Variants in PRDM5 observed in about 807,000 individuals in gnomAD.
The protein encoded by PRDM5 is PR domain zinc finger protein 5.
Under a neutral mutation model 81.2 loss-of-function variants are expected in PRDM5, and 56 were observed. The ratio of observed to expected loss-of-function variants is 0.69; its 90% CI spans 0.56 to 0.86. The LOEUF (loss-of-function observed/expected upper bound fraction) is 0.86. Among genes scored for constraint, PRDM5 ranks in the 40% least tolerant of loss-of-function variants. The pLI is 0.00. For synonymous variants in PRDM5, 267 were observed against 256.4 expected, an observed-to-expected ratio of 1.04 and a Z score of -0.39; for missense variants, 697 against 770.1, an observed-to-expected ratio of 0.91 and a Z score of 1.12.
intron 2 of PRDM5, among the ~76,000 whole-genome samples, chr4:120,856,332 T>C (rs1276301427): frequency 6.6e-6 from 1 of 152,236 alleles, no homozygotes; most frequent in Non-Finnish European, 1.5e-5. Context: ...TATACTACAT[T>C]ACCTACATAT....
intron 15 of PRDM5, among the ~76,000 whole-genome samples, chr4:120,699,609 G>A (rs1259626350): frequency 6.6e-6 from 1 of 152,022 alleles, no homozygotes; most frequent in Non-Finnish European, 1.5e-5. Context: ...CCAAGCCAGG[G>A]CACCAAAGTC....
downstream of PRDM5, among the ~76,000 whole-genome samples, chr4:120,687,752 G>T (rs989799802): frequency 1.3e-5 from 2 of 152,118 alleles, no homozygotes; most frequent in African/African-American, 4.8e-5. Flanking sequence ...GCCCTTATGA[G>T]TGAATTAATG....
chr4:120,748,113 T>C lies in PRDM5; in HGVS notation c.1623+6440A>G, dbSNP rs142519377. Reference sequence around the variant, plus strand: ...AAACATAAGTTCTATAATTTCCAGATGATCCATAGTTCCTAAGACTAAAAT... The same window carrying C: ...AAACATAAGTTCTATAATTTCCAGACGATCCATAGTTCCTAAGACTAAAAT... On this transcript the variant is annotated intron_variant, in intron 14 of 15. Coordinates refer to ENST00000264808, the MANE Select transcript of PRDM5 (RefSeq NM_018699.4). 5.1e-4 allele frequency among the ~76,000 whole-genome samples: 77 copies of C among 152,356 alleles called. 1 individual carries two copies. In the East Asian group the frequency reaches 0.013, roughly 25 times the overall value.
chr4:120,883,957 C>T (rs1763127272), intron 2 of PRDM5, among the ~76,000 whole-genome samples: 1 of 152,072 alleles, frequency 6.6e-6, no homozygotes, highest in Non-Finnish European at 1.5e-5. Flanking sequence ...ATACTGAAAA[C>T]TAATGAATTA....
At chr4:120,737,970 A>G (rs1444124743) in intron 14 of PRDM5, among the ~76,000 whole-genome samples, 1 of 152,248 alleles carries the variant, frequency 6.6e-6, no homozygotes, top group Non-Finnish European at 1.5e-5. Context: ...CACAGCTGCT[A>G]AGGAAAAAGA....
intron 2 of PRDM5, among the ~76,000 whole-genome samples, chr4:120,882,985 G>A (rs933645191): frequency 6.6e-6 from 1 of 152,146 alleles, no homozygotes; most frequent in Non-Finnish European, 1.5e-5. Flanking sequence ...CTAAAATAAA[G>A]TTAAAAATTC....
At chr4:120,870,729 T>C (rs1761697983) in intron 2 of PRDM5, among the ~76,000 whole-genome samples, 1 of 152,138 alleles carries the variant, frequency 6.6e-6, no homozygotes, top group African/African-American at 2.4e-5. Context: ...TTGCAGTGGG[T>C]CAGACCTTGG....
At chr4:120,893,135 A>G (rs1764241776) in intron 2 of PRDM5, among the ~76,000 whole-genome samples, 1 of 152,222 alleles carries the variant, frequency 6.6e-6, no homozygotes, top group Admixed American at 6.5e-5. Flanking sequence ...GCCTCAGTCC[A>G]GAAGGAAGAT....
intron 13 of PRDM5, among the ~76,000 whole-genome samples, chr4:120,775,714 A>G (rs949781437): frequency 6.6e-6 from 1 of 152,150 alleles, no homozygotes; most frequent in African/African-American, 2.4e-5. Context: ...ATACAGCATG[A>G]TATCTGCTAA....
At chr4:120,762,485 T>G (rs1745770452) in intron 13 of PRDM5, 1 of 152,188 alleles carries the variant, frequency 6.6e-6, no homozygotes, top group Admixed American at 6.5e-5. Context: ...CTGGCTTATT[T>G]TGCTTTTGTA....
chr4:120,919,421 A>C (rs1724617439), intron 1 of PRDM5, among the ~76,000 whole-genome samples: 1 of 152,204 alleles, frequency 6.6e-6, no homozygotes, highest in Non-Finnish European at 1.5e-5. Context: ...TAAAATATCC[A>C]AAGGGAAAGA....
At chr4:120,901,049 T>C (rs1765172916) in intron 2 of PRDM5, among the ~76,000 whole-genome samples, 1 of 152,212 alleles carries the variant, frequency 6.6e-6, no homozygotes, top group Non-Finnish European at 1.5e-5. Flanking sequence ...TGATAGATTA[T>C]GTACAAGCTT....
intron 15 of PRDM5, among the ~76,000 whole-genome samples, chr4:120,706,644 C>T (rs1056562802): frequency 2.7e-5 from 4 of 150,530 alleles, no homozygotes; most frequent in African/African-American, 7.3e-5. Flanking sequence ...TGCACAGCCT[C>T]GAATGACTGT....
At chr4:120,895,771 G>A (rs1487670068) in intron 2 of PRDM5, 3 of 152,134 alleles carry the variant, frequency 2.0e-5, no homozygotes. Context: ...CAACCTCCTT[G>A]ACTCAAACAA....
chr4:120,922,364 G>C, intron 1 of PRDM5, 152 bp downstream of exon 1: 1 of 1,064,320 alleles, frequency 9.4e-7, no homozygotes, highest in East Asian at 5.4e-5. Flanking sequence ...GTGCCCCGCG[G>C]TCCCCGGCCT....
intron 1 of PRDM5, among the ~76,000 whole-genome samples, chr4:120,917,168 T>A (rs1199492518): frequency 6.6e-6 from 1 of 152,196 alleles, no homozygotes; most frequent in African/African-American, 2.4e-5. Flanking sequence ...CTCATTGCAT[T>A]CCAGCCACAC....
intron 14 of PRDM5, among the ~76,000 whole-genome samples, chr4:120,723,544 C>T (rs531106841): frequency 6.6e-6 from 1 of 151,914 alleles, no homozygotes; most frequent in East Asian, 1.9e-4. Flanking sequence ...TTATGCTCAC[C>T]ATCTTAAAAA....
chr4:120,706,066 C>T (rs1039875904), intron 15 of PRDM5, among the ~76,000 whole-genome samples: 7 of 151,094 alleles, frequency 4.6e-5, no homozygotes, highest in Non-Finnish European at 8.8e-5. Flanking sequence ...TCAGAAAGAT[C>T]TGGGTTTTGA....
chr4:120,745,047 A>T (rs1034316196), intron 14 of PRDM5, among the ~76,000 whole-genome samples: 3 of 148,030 alleles, frequency 2.0e-5, no homozygotes, highest in African/African-American at 5.1e-5. Flanking sequence ...ATACTGGCAA[A>T]CCGAATCCAG....
Sources: gnomAD v4.1 joint callset for allele counts (sites outside exome capture counted in the v4.1 genomes callset) on GRCh38, gnomAD v4.1.1 for gene constraint, MANE v1.5 for transcripts, NCBI Gene and HGNC (gene_info 2026-07-23, HGNC 2026-07-21) for gene names.